Variants in AKAP6 observed in about 807,000 individuals in gnomAD.
AKAP6 encodes the protein A-kinase anchor protein 6.
In AKAP6, 58 loss-of-function variants were observed where a neutral mutation model predicts 188.5. The ratio of observed to expected loss-of-function variants is 0.31; its 90% CI spans 0.25 to 0.38. The LOEUF is 0.38. Among genes scored for constraint, AKAP6 ranks in the 10% least tolerant of loss-of-function variants. The pLI, the probability that AKAP6 is intolerant of heterozygous loss-of-function variation, is 1.00. For missense variants in AKAP6, 2,710 were observed against 2,740.0 expected, an observed-to-expected ratio of 0.99 and a Z score of 0.24; for synonymous variants, 989 against 998.6, an observed-to-expected ratio of 0.99 and a Z score of 0.18.
rs1373376191 is a variant in AKAP6 at position 32,600,710 on chromosome 14, T to C, written c.2648T>C (p.Leu883Pro). 2 of 1,613,706 alleles carry C rather than the reference T, an allele frequency of 1.2e-6. No individual in the cohort carries two copies. Among genetic ancestry groups the C allele is most frequent in the Non-Finnish European group, 1.7e-6 (2 of 1,179,828 alleles). The change falls in exon 7 of 14, where the codon CTC becomes CCC. Residue 883 changes from leucine (L) to proline (P), a missense_variant. By Grantham distance (98) the Leu-to-Pro change is moderately conservative (BLOSUM62 -3). Around this residue, in one of 2 missense-constraint regions of AKAP6, gnomAD observed 2,473 missense variants for 2,426.1 expected, o/e 1.02. Coordinates refer to ENST00000280979, the MANE Select transcript of AKAP6 (RefSeq NM_004274.5). Reference sequence around the variant, plus strand: ...ATCAAACGGCAGCACAGCTGGATTCTCAGGGCTCTGGATACCATCAAAGCC... The same window carrying C: ...ATCAAACGGCAGCACAGCTGGATTCCCAGGGCTCTGGATACCATCAAAGCC... Reference protein sequence around the residue: ...RQIKRQHSWILRALDTIKAEI... With the variant: ...RQIKRQHSWIPRALDTIKAEI...
chr14:32,629,285 A>C lies in AKAP6; in HGVS notation c.2730+28493A>C, dbSNP rs371850771. Among the ~76,000 whole-genome samples, 14 of 152,154 alleles carry C rather than the reference A, an allele frequency of 9.2e-5. No individual in the cohort carries two copies. The East Asian group carries it at 2.3e-3, about 25-fold the overall frequency. On this transcript the variant is annotated intron_variant, in intron 7 of 13. Transcript: ENST00000280979. ...AATGGCCTTTTTTCCTTTGGAAAAG[A>C]ACTTAAGCTATTTTACATTTTTGGT...
chr14:32,771,698 C>T (rs996477427), intron 11 of AKAP6, among the ~76,000 whole-genome samples: 1 of 152,170 alleles, frequency 6.6e-6, no homozygotes, highest in African/African-American at 2.4e-5. Flanking sequence ...TGCAAATTTT[C>T]ATTTGGCTAA....
chr14:32,380,373 G>C (rs542401822), intron 1 of AKAP6, among the ~76,000 whole-genome samples: 34 of 152,266 alleles, frequency 2.2e-4, no homozygotes, highest in Non-Finnish European at 4.4e-5. Context: ...TCTTGCACCA[G>C]AATGAAAGCT....
intron 4 of AKAP6, among the ~76,000 whole-genome samples, chr14:32,551,545 C>T (rs1244148816): frequency 7.1e-6 from 1 of 141,426 alleles, no homozygotes; most frequent in African/African-American, 2.7e-5. Context: ...GCACTCCAGC[C>T]TGGGCAACGG....
At position 32,711,896 on chromosome 14, in the gene AKAP6, G is replaced by A. The variant is rs569924285; in HGVS notation, c.3000+15786G>A. ...TCATTTTCTTCATCTGTAAAGTGAG[G>A]GGGGTGGACTCAGTGTCTCTCAGGT... On this transcript the variant is annotated intron_variant, in intron 9 of 13. Transcript: ENST00000280979. Among the ~76,000 whole-genome samples, 101 of 152,040 alleles carry A rather than the reference G, an allele frequency of 6.6e-4. 2 individuals are homozygous for A. The highest frequency in any genetic ancestry group is 4.0e-4 in the Non-Finnish European group (27 of 67,956).
rs1158005636 is a variant in AKAP6 at position 32,583,571 on chromosome 14, C to G, written c.2469+6329C>G. On this transcript the variant is annotated intron_variant, in intron 5 of 13. Coordinates refer to ENST00000280979, the MANE Select transcript of AKAP6 (RefSeq NM_004274.5). ...TCTTTTTGTTTGTCTGTGCCCTGCC[C>G]CCAGAGGTGGAGCCTACAGAGGCAG... is the stretch of plus-strand genomic sequence containing the variant. Among the ~76,000 whole-genome samples the G allele has an allele frequency of 2.6e-5, 4 of 152,154 alleles. No homozygotes were observed. The East Asian group carries it at 5.8e-4, about 22-fold the overall frequency.
At chr14:32,779,719 G>T (rs1321565879) in intron 12 of AKAP6, among the ~76,000 whole-genome samples, 1 of 152,106 alleles carries the variant, frequency 6.6e-6, no homozygotes, top group Non-Finnish European at 1.5e-5. Flanking sequence ...ACCATTTTGG[G>T]CAGAGATTCC....
At chr14:32,599,388 A>AT in intron 5 of AKAP6, 22 bp from the exon 6 acceptor site, 1 of 1,597,312 alleles carries the variant, frequency 6.3e-7, no homozygotes, top group Non-Finnish European at 8.6e-7. Context: ...CCAGGGTTTA[A>AT]TGTTCATATT....
intron 5 of AKAP6, among the ~76,000 whole-genome samples, chr14:32,595,658 G>A (rs1351714293): frequency 6.6e-6 from 1 of 152,012 alleles, no homozygotes; most frequent in Non-Finnish European, 1.5e-5. Flanking sequence ...ATATGTGCAT[G>A]CCACCACACC....
intron 7 of AKAP6, among the ~76,000 whole-genome samples, chr14:32,603,980 G>A (rs530864276): frequency 9.9e-5 from 15 of 152,176 alleles, no homozygotes; most frequent in Non-Finnish European, 1.9e-4. Context: ...AATAGGTGAC[G>A]TTGGGCTAAG....
At chr14:32,607,738 A>C (rs556238190) in intron 7 of AKAP6, among the ~76,000 whole-genome samples, 73 of 152,312 alleles carry the variant, frequency 4.8e-4, no homozygotes, top group Middle Eastern at 6.8e-3. Flanking sequence ...TTCTTGATGC[A>C]AGCAAATGAG....
intron 2 of AKAP6, among the ~76,000 whole-genome samples, chr14:32,455,827 C>G (rs1891128976): frequency 6.6e-6 from 1 of 152,050 alleles, no homozygotes; most frequent in Non-Finnish European, 1.5e-5. Flanking sequence ...TGTAACCTGC[C>G]CCCAACCTAC....
chr14:32,348,580 A>T (rs1244917010), intron 1 of AKAP6, among the ~76,000 whole-genome samples: 1 of 151,616 alleles, frequency 6.6e-6, no homozygotes, highest in Admixed American at 6.6e-5. Context: ...ACGCATGCTA[A>T]TTTTGTATTT....
chr14:32,779,298 T>C (rs1458899710), intron 12 of AKAP6, among the ~76,000 whole-genome samples: 2 of 151,218 alleles, frequency 1.3e-5, no homozygotes, highest in Non-Finnish European at 1.5e-5. Context: ...AGCTGCCCAC[T>C]ACTCAGGAGG....
At chr14:32,548,913 TG>T (rs1331760048) in intron 4 of AKAP6, among the ~76,000 whole-genome samples, 1 of 152,202 alleles carries the variant, frequency 6.6e-6, no homozygotes, top group Non-Finnish European at 1.5e-5. Context: ...TTCTGTTTTT[TG>T]TTTTTTTTAC....
At chr14:32,364,101 C>T (rs752290267) in intron 1 of AKAP6, among the ~76,000 whole-genome samples, 2 of 152,104 alleles carry the variant, frequency 1.3e-5, no homozygotes, top group East Asian at 1.9e-4. Context: ...GCAAGCGTGG[C>T]GTGGTAAGCT....
At chr14:32,407,352 C>T (rs1229154109) in intron 1 of AKAP6, among the ~76,000 whole-genome samples, 2 of 152,202 alleles carry the variant, frequency 1.3e-5, no homozygotes, top group Admixed American at 6.5e-5. Flanking sequence ...GACAAACCAT[C>T]CAGTCCCCAC....
chr14:32,704,312 A>C (rs1423509981), intron 9 of AKAP6, among the ~76,000 whole-genome samples: 1 of 152,200 alleles, frequency 6.6e-6, no homozygotes, highest in African/African-American at 2.4e-5. Context: ...CTTTTACTTA[A>C]TTAGATGGGA....
At chr14:32,775,018 G>A (rs1226660688) in intron 12 of AKAP6, among the ~76,000 whole-genome samples, 1 of 152,072 alleles carries the variant, frequency 6.6e-6, no homozygotes, top group African/African-American at 2.4e-5. Flanking sequence ...GAGTCTAGGG[G>A]GTGATTTTAT....
Sources: allele counts gnomAD v4.1 joint callset (sites outside exome capture counted in the v4.1 genomes callset), GRCh38; gene constraint gnomAD v4.1.1; regional missense constraint gnomAD v4.1.1; transcripts MANE v1.5; gene names NCBI Gene and HGNC (gene_info 2026-07-23, HGNC 2026-07-21).